The following HERC3 variants were observed in gnomAD, a reference collection of about 807,000 sequenced individuals.
The protein encoded by HERC3 is probable E3 ubiquitin-protein ligase HERC3.
A neutral mutation model predicts 129.9 loss-of-function variants in HERC3; 58 were observed. The observed-to-expected ratio is 0.45, with a 90% CI of 0.36 to 0.56. The LOEUF (loss-of-function observed/expected upper bound fraction) is 0.56, where lower values mean the gene tolerates loss of function less well. Among genes scored for constraint, HERC3 ranks in the 20% least tolerant of loss-of-function variants. The pLI is 0.00. For missense variants in HERC3, 835 were observed against 1,244.2 expected (o/e 0.67, Z 4.95); for synonymous variants, 430 against 451.0 (o/e 0.95, Z 0.59).
At chr4:88,656,138 T>C in intron 9 of HERC3, 103 bp downstream of exon 9, 1 of 1,100,790 alleles carries the variant, frequency 9.1e-7, no homozygotes, top group Non-Finnish European at 1.3e-6. Context: ...TTGGAGGGAA[T>C]GAAGATAAGG....
chr4:88,624,749 G>A (rs1725902065), intron 3 of HERC3, among the ~76,000 whole-genome samples: 2 of 152,056 alleles, frequency 1.3e-5, no homozygotes, highest in Non-Finnish European at 2.9e-5. Context: ...CACAGTTTAT[G>A]CTTTTTGTGT....
the HERC3 span, among the ~76,000 whole-genome samples, chr4:88,538,151 A>G: frequency 3.3e-5 from 5 of 152,220 alleles, no homozygotes; most frequent in African/African-American, 1.2e-4. Flanking sequence ...TTAGAAATCT[A>G]ACACAATAAA....
intron 3 of HERC3, among the ~76,000 whole-genome samples, chr4:88,606,253 C>CTTTTT (rs558927566): frequency 1.5e-4 from 20 of 135,344 alleles, no homozygotes; most frequent in Non-Finnish European, 2.2e-4. Flanking sequence ...CTTTTCTTTT[C>CTTTTT]TTTTTTTTTT....
At position 88,687,250 on chromosome 4, in the gene HERC3, A is replaced by G. The variant is rs775499552; in HGVS notation, c.2608A>G (p.Lys870Glu). Residue 870 changes from lysine (K) to glutamate (E), a missense_variant, in exon 23 of 26, where the codon AAG (lysine) becomes GAG (glutamate). Coordinates refer to ENST00000402738, the MANE Select transcript of HERC3 (RefSeq NM_014606.3). ...AGAAAGCTATGGAGTGATTGAACAG[A>G]AGAAGCTGATACCTGGGGGAGATAA... ...CRESYGVIEQKKLIPGGDNVT... is the reference protein window; with the variant it reads ...CRESYGVIEQEKLIPGGDNVT... 2 of 1,613,006 alleles carry G rather than the reference A, an allele frequency of 1.2e-6. No individual in the cohort carries two copies. The highest frequency in any genetic ancestry group is 1.7e-6 in the Non-Finnish European group (2 of 1,179,242).
intron 17 of HERC3, 27 bp from the exon 18 acceptor site, chr4:88,676,307 T>C: frequency 6.4e-7 from 1 of 1,570,740 alleles, no homozygotes; most frequent in Non-Finnish European, 8.8e-7. Context: ...AATAGTATAA[T>C]ACTGTCAATA....
chr4:88,652,956 T>C lies in HERC3; in HGVS notation c.551T>C (p.Val184Ala). The C allele has an allele frequency of 6.2e-7, 1 of 1,614,082 alleles. No homozygotes were observed. The highest frequency in any genetic ancestry group is 8.5e-7 in the Non-Finnish European group (1 of 1,180,010). Residue 184 changes from valine (V) to alanine (A), a missense_variant, in exon 6 of 26, where the codon GTG becomes GCG. Coordinates refer to ENST00000402738, the MANE Select transcript of HERC3 (RefSeq NM_014606.3). ...EFPSQASPQR[V>A]RSLEGIPLAQ... The stretch of plus-strand genomic sequence containing the variant: ...CCCTCCCAAGCCAGCCCACAGAGGG[T>C]GAGGTCCCTGGAGGGGATCCCACTG...
chr4:88,697,862 G>A lies in HERC3; in HGVS notation c.2658-6236G>A. ...CGGCAAGTGGCGGTGACGTGCGGCCGCGGGAATGACGTTGGCCGCGGCCCC... is the reference window on the plus strand; with the variant it reads ...CGGCAAGTGGCGGTGACGTGCGGCCACGGGAATGACGTTGGCCGCGGCCCC... On this transcript the variant is annotated intron_variant, in intron 23 of 25. Coordinates refer to ENST00000402738, the MANE Select transcript of HERC3 (RefSeq NM_014606.3). The A allele has an allele frequency of 3.4e-6, 5 of 1,454,554 alleles. No homozygotes were observed. In the Middle Eastern group the frequency reaches 7.8e-4, roughly 227 times the overall value. 90.1% of individuals were successfully genotyped at this position (1,454,554 alleles called of 1,614,324 possible). A position where few individuals can be genotyped will look rare whatever the true frequency, so the allele number is the denominator to read the frequency against.
chr4:88,695,583 AG>A (rs1199873425), intron 23 of HERC3, among the ~76,000 whole-genome samples: 1 of 152,226 alleles, frequency 6.6e-6, no homozygotes, highest in Admixed American at 6.5e-5. Flanking sequence ...TCAAAAACAT[AG>A]GGAGGGATGT....
chr4:88,641,354 A>G (rs1014137512), intron 3 of HERC3, among the ~76,000 whole-genome samples: 5 of 152,372 alleles, frequency 3.3e-5, no homozygotes, highest in Middle Eastern at 6.8e-3. Flanking sequence ...TTATTTAGAA[A>G]GAAAAGTATT....
At chr4:88,607,636 T>A (rs1578156700) in intron 3 of HERC3, among the ~76,000 whole-genome samples, 1 of 152,168 alleles carries the variant, frequency 6.6e-6, no homozygotes. Flanking sequence ...GCTAATTTTT[T>A]AATTTTTGTT....
intron 16 of HERC3, among the ~76,000 whole-genome samples, chr4:88,673,536 T>A (rs889116062): frequency 5.9e-5 from 9 of 152,190 alleles, no homozygotes; most frequent in African/African-American, 2.2e-4. Context: ...ACTTTACTAG[T>A]TTTAAGTCTG....
chr4:88,553,084 T>C, the HERC3 span, among the ~76,000 whole-genome samples: 1 of 152,244 alleles, frequency 6.6e-6, no homozygotes, highest in Non-Finnish European at 1.5e-5. Flanking sequence ...GTGGATGGTG[T>C]AGCTGAAATC....
chr4:88,625,870 T>C (rs1726044579), intron 3 of HERC3, among the ~76,000 whole-genome samples: 1 of 152,224 alleles, frequency 6.6e-6, no homozygotes, highest in Non-Finnish European at 1.5e-5. Context: ...TGTTGATTTT[T>C]TTCAAATGTT....
In HERC3 at chr4:88,707,082, A is replaced by G. The variant is rs1735848679; in HGVS notation, c.*122A>G. ...TCTAAGTGGGTTGGGACTTTTAAAT[A>G]CTGAGCCTGGTTGATGTGTTTCTGG... On this transcript the variant is annotated 3_prime_UTR_variant, in exon 26 of 26. Coordinates refer to ENST00000402738, the MANE Select transcript of HERC3 (RefSeq NM_014606.3). 2.6e-6 allele frequency: 2 copies of G among 759,428 alleles called. No homozygotes were observed. The highest frequency in any genetic ancestry group is 5.4e-5 in the East Asian group (2 of 37,222). 47.0% of individuals were successfully genotyped at this position (759,428 alleles called of 1,614,324 possible).
At position 88,621,637 on chromosome 4, in the gene HERC3, T is replaced by G. The variant is rs968580257; in HGVS notation, c.226+15588T>G. On this transcript the variant is annotated intron_variant, in intron 3 of 25. Transcript: ENST00000402738. ...GCATTTGCTTGATGGCCTGTAGTGA[T>G]CTGCATGTCTTACATATGTGAAGCT... 2.0e-5 allele frequency among the ~76,000 whole-genome samples: 3 copies of G among 152,232 alleles called. No homozygotes were observed. The East Asian group carries it at 5.8e-4, about 29-fold the overall frequency.
chr4:88,595,300 G>C (rs888946508), intron 1 of HERC3, among the ~76,000 whole-genome samples: 1 of 151,990 alleles, frequency 6.6e-6, no homozygotes, highest in African/African-American at 2.4e-5. Context: ...CAAATGTCAG[G>C]AATTTTTATA....
At chr4:88,575,888 T>G in the HERC3 span, among the ~76,000 whole-genome samples, 1 of 152,218 alleles carries the variant, frequency 6.6e-6, no homozygotes, top group Non-Finnish European at 1.5e-5. Context: ...TTAGGCAGTA[T>G]GCTAGGTGCT....
the HERC3 span, among the ~76,000 whole-genome samples, chr4:88,560,315 T>G: frequency 6.6e-6 from 1 of 152,192 alleles, no homozygotes; most frequent in Non-Finnish European, 1.5e-5. Flanking sequence ...CATAATGGTT[T>G]TGATTTAAAT....
At chr4:88,565,053 T>C in the HERC3 span, among the ~76,000 whole-genome samples, 3 of 152,134 alleles carry the variant, frequency 2.0e-5, no homozygotes, top group Non-Finnish European at 4.4e-5. Flanking sequence ...GTTCCTCTTG[T>C]TATTGACTTC....
Sources: allele counts gnomAD v4.1 joint callset (sites outside exome capture counted in the v4.1 genomes callset), GRCh38; gene constraint gnomAD v4.1.1; transcripts MANE v1.5; gene names NCBI Gene and HGNC (gene_info 2026-07-23, HGNC 2026-07-21).